Variants in STK39 observed in about 807,000 individuals in gnomAD.
The protein encoded by STK39 is STE20/SPS1-related proline-alanine-rich protein kinase.
STK39 carries 20 observed loss-of-function variants against 77.8 expected under a neutral mutation model. The ratio of observed to expected loss-of-function variants is 0.26; its 90% CI spans 0.18 to 0.37. The LOEUF (loss-of-function observed/expected upper bound fraction) is 0.37, where lower values mean the gene tolerates loss of function less well. Ranked by LOEUF, STK39 falls within the 10% of genes least tolerant of loss-of-function variation. The probability of loss-of-function intolerance (pLI) is 1.00; values close to 1 mark genes in which losing one functional copy is unlikely to be tolerated. For missense variants in STK39, 479 were observed against 656.5 expected, an observed-to-expected ratio of 0.73 and a Z score of 2.95; for synonymous variants, 246 against 234.1, an observed-to-expected ratio of 1.05 and a Z score of -0.47.
At position 168,202,750 on chromosome 2, in the gene STK39, T is replaced by C. The variant is rs1466484730; in HGVS notation, c.209-20660A>G. Among the ~76,000 whole-genome samples the C allele has an allele frequency of 2.7e-5, 4 of 150,868 alleles. No homozygotes were observed. In the East Asian group the frequency reaches 7.8e-4, roughly 29 times the overall value. ...TAATATGTGAAGAATCTGGGAAACA[T>C]CTAGAGAGATTAAAAAAAAAAAGAG... On this transcript the variant is annotated intron_variant, in intron 1 of 17. Coordinates refer to ENST00000355999, the MANE Select transcript of STK39 (RefSeq NM_013233.3).
At chr2:168,087,257 C>G (rs771018213) in intron 10 of STK39, among the ~76,000 whole-genome samples, 2 of 152,126 alleles carry the variant, frequency 1.3e-5, no homozygotes, top group African/African-American at 2.4e-5. Context: ...AAGCACACAG[C>G]CAACCAAATA....
rs112948174 is a variant in STK39 at position 168,158,996 on chromosome 2, T to G, written c.628+2791A>C. Among the ~76,000 whole-genome samples the G allele has an allele frequency of 1.8e-3, 279 of 152,284 alleles. 1 individual carries two copies. The highest frequency in any genetic ancestry group is 6.1e-3 in the African/African-American group (254 of 41,544). On this transcript the variant is annotated intron_variant, in intron 5 of 17. Transcript: ENST00000355999. ...TCATGGTCTAAATCAGGCCCTTTAA[T>G]CTTCTGTTTTCTGATAAAAAGTTCT...
chr2:168,108,935 T>C (rs544543432), intron 10 of STK39, among the ~76,000 whole-genome samples: 180 of 152,302 alleles, frequency 1.2e-3, no homozygotes, highest in Non-Finnish European at 1.9e-3. Flanking sequence ...ACTAACTTAA[T>C]CCTTGTGGAG....
chr2:168,145,959 G>T (rs998320452), intron 5 of STK39, among the ~76,000 whole-genome samples: 1 of 152,144 alleles, frequency 6.6e-6, no homozygotes, highest in Non-Finnish European at 1.5e-5. Context: ...TGAAAATAAA[G>T]GTTCTTAGCA....
At chr2:167,963,612 C>T (rs912169954) in intron 17 of STK39, among the ~76,000 whole-genome samples, 1 of 151,784 alleles carries the variant, frequency 6.6e-6, no homozygotes, top group Non-Finnish European at 1.5e-5. Flanking sequence ...TAGCACTCTA[C>T]ATCTGAATAA....
intron 16 of STK39, among the ~76,000 whole-genome samples, chr2:167,965,297 T>C (rs1033213286): frequency 2.0e-5 from 3 of 152,210 alleles, no homozygotes; most frequent in Admixed American, 6.5e-5. Context: ...CAGAGCACAG[T>C]GATCTGTCAA....
At chr2:167,990,856 A>G (rs1427332398) in intron 16 of STK39, among the ~76,000 whole-genome samples, 1 of 152,218 alleles carries the variant, frequency 6.6e-6, no homozygotes, top group Non-Finnish European at 1.5e-5. Context: ...TAGTCCTGTG[A>G]TAGGTGAACT....
At chr2:168,134,141 T>A (rs1372524557) in intron 8 of STK39, among the ~76,000 whole-genome samples, 1 of 152,182 alleles carries the variant, frequency 6.6e-6, no homozygotes, top group Admixed American at 6.5e-5. Flanking sequence ...CAAACAGTTT[T>A]ATGAGAAATG....
rs556564213 is a variant in STK39 at position 168,219,070 on chromosome 2, A to C, written c.208+28158T>G. ...GGGTGGGCATTTAGGTGGAACCTTG[A>C]AAGATTCACATAATTTGTATATTAA... On this transcript the variant is annotated intron_variant, in intron 1 of 17. Coordinates refer to ENST00000355999, the MANE Select transcript of STK39 (RefSeq NM_013233.3). Among the ~76,000 whole-genome samples the C allele has an allele frequency of 9.8e-4, 150 of 152,288 alleles. 1 individual carries two copies. Among genetic ancestry groups the C allele is most frequent in the African/African-American group, 3.4e-3 (143 of 41,528 alleles).
chr2:168,017,460 A>ACTTCCGTCT (rs140555837), intron 14 of STK39, among the ~76,000 whole-genome samples: 1 of 143,224 alleles, frequency 7.0e-6, no homozygotes, highest in Non-Finnish European at 1.5e-5. Context: ...TCTCACTGCA[A>ACTTCCGTCT]CCCAGGTTCA....
At chr2:168,052,620 A>T (rs1685427055) in intron 14 of STK39, among the ~76,000 whole-genome samples, 1 of 152,190 alleles carries the variant, frequency 6.6e-6, no homozygotes, top group African/African-American at 2.4e-5. Flanking sequence ...GCACCTGTGC[A>T]GTACATATTT....
intron 16 of STK39, among the ~76,000 whole-genome samples, chr2:168,011,535 A>G (rs181772346): frequency 6.6e-6 from 1 of 152,144 alleles, no homozygotes; most frequent in Non-Finnish European, 1.5e-5. Flanking sequence ...AAATCTCTAT[A>G]AAGTCAGAAT....
In STK39 at chr2:167,989,792, G is replaced by A. The variant is rs189864816; in HGVS notation, c.1498+22842C>T. On this transcript the variant is annotated intron_variant, in intron 16 of 17. Transcript: ENST00000355999. Reference sequence around the variant, plus strand: ...TAGACAGGAAATTTTAAAAATTGCAGGAAATTCTGAACTAAAAAAAGAAAA... The same window carrying A: ...TAGACAGGAAATTTTAAAAATTGCAAGAAATTCTGAACTAAAAAAAGAAAA... Among the ~76,000 whole-genome samples the A allele has an allele frequency of 2.1e-3, 315 of 152,018 alleles. 4 individuals carry two copies. The highest frequency in any genetic ancestry group is 7.3e-3 in the African/African-American group (304 of 41,454).
rs145339371 is a variant in STK39, at chr2:168,132,555, G to A, written c.975-2797C>T. Reference sequence around the variant, plus strand: ...GCAACGATGTTCTCACTCATCTCTTGATCTTTCGTGACAAAGCACACACTG... The same window carrying A: ...GCAACGATGTTCTCACTCATCTCTTAATCTTTCGTGACAAAGCACACACTG... On this transcript the variant is annotated intron_variant, in intron 8 of 17. Transcript: ENST00000355999. 6.7e-3 allele frequency among the ~76,000 whole-genome samples: 1,019 copies of A among 152,244 alleles called. 6 individuals are homozygous for A. Among genetic ancestry groups the A allele is most frequent in the Middle Eastern group, 0.024 (7 of 294 alleles).
chr2:168,186,476 A>T (rs1015834674), intron 1 of STK39, among the ~76,000 whole-genome samples: 1 of 152,190 alleles, frequency 6.6e-6, no homozygotes, highest in Admixed American at 6.5e-5. Flanking sequence ...GTCAACAGCA[A>T]ATGGCAAGAT....
intron 10 of STK39, among the ~76,000 whole-genome samples, chr2:168,099,235 A>AT (rs1686756375): frequency 6.6e-6 from 1 of 152,230 alleles, no homozygotes; most frequent in African/African-American, 2.4e-5. Flanking sequence ...AGCTAAGCCA[A>AT]TAAGTGATGG....
chr2:168,042,036 C>T (rs1450494218), intron 14 of STK39, among the ~76,000 whole-genome samples: 2 of 152,160 alleles, frequency 1.3e-5, no homozygotes, highest in Non-Finnish European at 1.5e-5. Context: ...CTACTTTTGT[C>T]AAGAGAGGAG....
chr2:167,993,902 A>G lies in STK39; in HGVS notation c.1498+18732T>C, dbSNP rs541222435. Among the ~76,000 whole-genome samples, 5 of 152,298 alleles carry G rather than the reference A, an allele frequency of 3.3e-5. No homozygotes were observed. The South Asian group carries it at 1.0e-3, about 32-fold the overall frequency. The stretch of plus-strand genomic sequence containing the variant: ...TTCTTAAGTTTCATAAAATACTGTC[A>G]CATACTAGGAATGATATATTCCATT... On this transcript the variant is annotated intron_variant, in intron 16 of 17. Transcript: ENST00000355999.
intron 14 of STK39, among the ~76,000 whole-genome samples, chr2:168,037,317 C>T (rs976181973): frequency 6.6e-6 from 1 of 152,176 alleles, no homozygotes; most frequent in African/African-American, 2.4e-5. Context: ...AGCAATAATT[C>T]AGTCTATTAG....
Sources: allele counts gnomAD v4.1 joint callset (sites outside exome capture counted in the v4.1 genomes callset), GRCh38; gene constraint gnomAD v4.1.1; transcripts MANE v1.5; gene names NCBI Gene and HGNC (gene_info 2026-07-23, HGNC 2026-07-21).